The following ANO3 variants were observed in gnomAD, a reference collection of about 807,000 sequenced individuals.
ANO3 encodes anoctamin 3.
Under a neutral mutation model 144.8 loss-of-function variants are expected in ANO3, and 99 were observed. The ratio of observed to expected loss-of-function variants is 0.68; its 90% CI spans 0.58 to 0.81. ANO3 has a LOEUF of 0.81. Among genes scored for constraint, ANO3 ranks in the 30% least tolerant of loss-of-function variants. The pLI is 0.00. For missense variants in ANO3, 905 were observed against 1,202.2 expected, an observed-to-expected ratio of 0.75 and a Z score of 3.66; for synonymous variants, 414 against 392.6, an observed-to-expected ratio of 1.05 and a Z score of -0.64.
chr11:26,501,690 G>T (rs921969957), intron 4 of ANO3, among the ~76,000 whole-genome samples: 2 of 152,118 alleles, frequency 1.3e-5, no homozygotes, highest in East Asian at 3.9e-4. Context: ...GGTCAAGATC[G>T]GCAAGCTGAG....
At chr11:26,602,039 G>C (rs1376609052) in intron 17 of ANO3, among the ~76,000 whole-genome samples, 1 of 152,172 alleles carries the variant, frequency 6.6e-6, no homozygotes. Flanking sequence ...TCTATTGCAC[G>C]TGAAATGGGA....
intron 1 of ANO3, among the ~76,000 whole-genome samples, chr11:26,258,004 C>A (rs1012874783): frequency 6.6e-6 from 1 of 151,890 alleles, no homozygotes; most frequent in African/African-American, 2.4e-5. Context: ...CAAAAACTAC[C>A]AGGGCACAGA....
At chr11:26,307,276 C>G (rs1264321076), upstream of ANO3, among the ~76,000 whole-genome samples, 5 of 151,964 alleles carry the variant, frequency 3.3e-5, no homozygotes, top group Non-Finnish European at 7.4e-5. Flanking sequence ...ATCGCTTCAA[C>G]CCAGGAGACG....
intron 14 of ANO3, among the ~76,000 whole-genome samples, chr11:26,596,362 G>A (rs1408859398): frequency 6.6e-6 from 1 of 152,120 alleles, no homozygotes; most frequent in Non-Finnish European, 1.5e-5. Flanking sequence ...AGGAATATGT[G>A]CCTCCCTTTA....
intron 1 of ANO3, among the ~76,000 whole-genome samples, chr11:26,233,299 G>A (rs1042837152): frequency 1.3e-5 from 2 of 151,582 alleles, no homozygotes; most frequent in Admixed American, 6.6e-5. Flanking sequence ...GAACAGACAC[G>A]TCTCAGAATA....
chr11:26,263,671 A>G (rs1276138143), intron 1 of ANO3, among the ~76,000 whole-genome samples: 1 of 152,244 alleles, frequency 6.6e-6, no homozygotes, highest in Admixed American at 6.5e-5. Context: ...ACATATGGGC[A>G]AGAAGTAGCT....
chr11:26,584,003 CTAATCAACCATA>C (rs1229073933), intron 14 of ANO3, among the ~76,000 whole-genome samples: 1 of 152,334 alleles, frequency 6.6e-6, no homozygotes, highest in East Asian at 1.9e-4. Flanking sequence ...CTGACCCCTT[CTAATCAACCATA>C]TTAAAAGTAT....
intron 4 of ANO3, among the ~76,000 whole-genome samples, chr11:26,480,882 C>T (rs1430171598): frequency 6.6e-6 from 1 of 151,874 alleles, no homozygotes; most frequent in Admixed American, 6.6e-5. Context: ...GAACTTGGCC[C>T]CTGGAGTTAG....
At chr11:26,259,737 C>T (rs1853142995) in intron 1 of ANO3, among the ~76,000 whole-genome samples, 1 of 152,052 alleles carries the variant, frequency 6.6e-6, no homozygotes, top group African/African-American at 2.4e-5. Context: ...GAACACTATG[C>T]ACCATTTATC....
At chr11:26,578,608 A>G (rs746954428) in intron 14 of ANO3, among the ~76,000 whole-genome samples, 1 of 152,150 alleles carries the variant, frequency 6.6e-6, no homozygotes, top group Admixed American at 6.6e-5. Context: ...GGAGTGAGGG[A>G]TGATCTGGAA....
chr11:26,218,027 A>T (rs1852068734), intron 1 of ANO3, among the ~76,000 whole-genome samples: 1 of 152,148 alleles, frequency 6.6e-6, no homozygotes, highest in Admixed American at 6.5e-5. Flanking sequence ...TCAGGTCTCC[A>T]ATATTATAAG....
chr11:26,293,404 T>TTACTCA (rs1253941360), intron 1 of ANO3, among the ~76,000 whole-genome samples: 1 of 151,168 alleles, frequency 6.6e-6, no homozygotes, highest in Non-Finnish European at 1.5e-5. Flanking sequence ...TTCTCCCAAC[T>TTACTCA]TACTCAATTG....
At chr11:26,266,740 G>A (rs1248069821) in intron 1 of ANO3, among the ~76,000 whole-genome samples, 1 of 150,620 alleles carries the variant, frequency 6.6e-6, no homozygotes, top group Admixed American at 6.6e-5. Flanking sequence ...GCCACCAAAT[G>A]TAAATATTTC....
chr11:26,213,718 A>G (rs1851981126), intron 1 of ANO3, among the ~76,000 whole-genome samples: 1 of 152,102 alleles, frequency 6.6e-6, no homozygotes, highest in African/African-American at 2.4e-5. Flanking sequence ...TAATTTACAG[A>G]TTCTATGCTA....
intron 13 of ANO3, among the ~76,000 whole-genome samples, chr11:26,555,416 C>T (rs2134234989): frequency 6.6e-6 from 1 of 152,228 alleles, no homozygotes; most frequent in East Asian, 1.9e-4. Context: ...CAAGAAATAT[C>T]CACATATGGC....
intron 1 of ANO3, among the ~76,000 whole-genome samples, chr11:26,387,970 C>T (rs1422576799): frequency 6.6e-6 from 1 of 152,060 alleles, no homozygotes; most frequent in East Asian, 1.9e-4. Context: ...TTACCACTCA[C>T]TATCTCTCTT....
In ANO3 at chr11:26,635,056, T is replaced by G. The variant is rs1264188769; in HGVS notation, c.2029T>G (p.Trp677Gly). ...PGKYNKLFDRWRLEECHPSGC... is the reference protein window; with the variant it reads ...PGKYNKLFDRGRLEECHPSGC... ...AAAATACAATAAACTTTTTGACCGG[T>G]GGAGACTGGAGGAAGTAAGTAACTT... Residue 677 changes from tryptophan to glycine, a missense_variant, in exon 20 of 27, where the codon TGG (tryptophan) becomes GGG (glycine). Transcript: ENST00000256737. The G allele has an allele frequency of 1.2e-6, 2 of 1,613,468 alleles. No homozygotes were observed.
At chr11:26,189,344 T>C in intron 1 of ANO3, 1 of 984,062 alleles carries the variant, frequency 1.0e-6, no homozygotes, top group Non-Finnish European at 1.2e-6. Context: ...AGCTAACCTT[T>C]AGATTGATAT....
At chr11:26,273,642 A>G (rs1423822005) in intron 1 of ANO3, among the ~76,000 whole-genome samples, 35 of 147,376 alleles carry the variant, frequency 2.4e-4, no homozygotes, top group African/African-American at 6.8e-4. Flanking sequence ...GCACACACAC[A>G]CACACACACA....
Sources: gnomAD v4.1 joint callset for allele counts (sites outside exome capture counted in the v4.1 genomes callset) on GRCh38, gnomAD v4.1.1 for gene constraint, MANE v1.5 for transcripts, NCBI Gene and HGNC (gene_info 2026-07-23, HGNC 2026-07-21) for gene names.